Variants in SPEG observed in about 807,000 individuals in gnomAD.
SPEG encodes striated muscle enriched protein kinase.
A neutral mutation model predicts 300.4 loss-of-function variants in SPEG; 114 were observed. The ratio of observed to expected loss-of-function variants is 0.38; its 90% CI spans 0.33 to 0.44. The LOEUF is 0.44. SPEG is among the 20% of genes least tolerant of loss of function. The probability of loss-of-function intolerance (pLI) is 1.00; values close to 1 mark genes in which losing one functional copy is unlikely to be tolerated. For missense variants in SPEG, 4,201 were observed against 4,586.2 expected (o/e 0.92, Z 2.43); for synonymous variants, 1,964 against 2,018.9 (o/e 0.97, Z 0.73).
intron 6 of SPEG, among the ~76,000 whole-genome samples, chr2:219,454,122 C>T (rs951438730): frequency 1.3e-5 from 2 of 152,202 alleles, no homozygotes; most frequent in Non-Finnish European, 2.9e-5. Flanking sequence ...GGGCTGGCTG[C>T]CCAGTTCCCT....
At position 219,481,057 on chromosome 2, in the gene SPEG, G is replaced by A. The variant is rs1692795703; in HGVS notation, c.5370-247G>A. Among the ~76,000 whole-genome samples, 1 of 152,170 alleles carries A rather than the reference G, an allele frequency of 6.6e-6. No individual in the cohort carries two copies. Among genetic ancestry groups the A allele is most frequent in the Middle Eastern group, 3.2e-3 (1 of 316 alleles). On this transcript the variant is annotated intron_variant, in intron 26 of 40. Coordinates refer to ENST00000312358, the MANE Select transcript of SPEG (RefSeq NM_005876.5). The surrounding 1 kb of genome is among the most constrained non-coding windows in gnomAD (Gnocchi z 5.4). The stretch of plus-strand genomic sequence containing the variant: ...TCATGGAGAGGCCACACTGGAGGAG[G>A]GATGGAACAGGTCCTCTAAAGCACA...
chr2:219,442,747 C>T (rs1364359957), intron 1 of SPEG, among the ~76,000 whole-genome samples: 1 of 151,600 alleles, frequency 6.6e-6, no homozygotes, highest in Non-Finnish European at 1.5e-5. Context: ...CTCACTGAGC[C>T]TGACTACCTC....
chr2:219,463,637 C>T (rs1303511261), intron 8 of SPEG, among the ~76,000 whole-genome samples: 6 of 150,882 alleles, frequency 4.0e-5, no homozygotes, highest in Admixed American at 6.6e-5. Context: ...AACTCCTGAC[C>T]TCAGGTGATC....
At chr2:219,482,683 C>G in intron 28 of SPEG, 101 bp from the exon 29 acceptor site, 2 of 1,029,294 alleles carry the variant, frequency 1.9e-6, no homozygotes, top group South Asian at 2.8e-5. Context: ...TCGATCCACT[C>G]TCTCCTGCCA....
At chr2:219,489,973 G>A (rs537639683) in intron 36 of SPEG, 34 bp downstream of exon 36, 153 of 1,528,978 alleles carry the variant, frequency 1.0e-4, no homozygotes, top group Non-Finnish European at 3.6e-5. Context: ...GAGGACAGAG[G>A]GGAGTGGGCC....
chr2:219,480,568 C>G lies in SPEG; in HGVS notation c.5343-103C>G. 1.7e-6 allele frequency: 2 copies of G among 1,201,060 alleles called. No individual in the cohort carries two copies. The highest frequency in any genetic ancestry group is 1.7e-5 in the Admixed American group (1 of 58,952). The allele number at this position is 1,201,060 out of a possible 1,614,324, so 74.4% of individuals were successfully genotyped here. A position where few individuals can be genotyped will look rare whatever the true frequency, so the allele number is the denominator to read the frequency against. On this transcript the variant is annotated intron_variant, in intron 25 of 40. Transcript: ENST00000312358. This position sits in a 1 kb window ranked among gnomAD's most constrained non-coding sequence, Gnocchi z 5.3. Reference sequence around the variant, plus strand: ...TGTGCCCATTGTCCATGGCAGTGTTCCCAGGGAGGTAACAGCTCACTCAGG... The same window carrying G: ...TGTGCCCATTGTCCATGGCAGTGTTGCCAGGGAGGTAACAGCTCACTCAGG...
chr2:219,493,043 A>AG lies in SPEG; in HGVS notation c.*261dup. 1.4e-6 allele frequency: 1 copy of AG among 691,002 alleles called. No homozygotes were observed. The highest frequency in any genetic ancestry group is 2.6e-6 in the Non-Finnish European group (1 of 377,850). 42.8% of individuals were successfully genotyped at this position (691,002 alleles called of 1,614,324 possible). On this transcript the variant is annotated 3_prime_UTR_variant, in exon 41 of 41. Coordinates refer to ENST00000312358, the MANE Select transcript of SPEG (RefSeq NM_005876.5). ...GGGTGGGAACAGGCAGAGGGACAAGAGGGGAATGGAGAAGTGGAGAGGAAA... is the reference window on the plus strand; with the variant it reads ...GGGTGGGAACAGGCAGAGGGACAAGAGGGGGAATGGAGAAGTGGAGAGGAAA...
chr2:219,479,756 C>T lies in SPEG; in HGVS notation c.5086-27C>T, dbSNP rs1251973959. On this transcript the variant is annotated intron_variant, in intron 23 of 40. Transcript: ENST00000312358. The surrounding 1 kb of genome is among the most constrained non-coding windows in gnomAD (Gnocchi z 5.5). ...TCAGACATACACCACCCTTCCCCCTCAGACTCTGGGCCCACTATTTCCACA... is the reference window on the plus strand; with the variant it reads ...TCAGACATACACCACCCTTCCCCCTTAGACTCTGGGCCCACTATTTCCACA... The T allele has an allele frequency of 2.5e-6, 4 of 1,611,334 alleles. No homozygotes were observed. The highest frequency in any genetic ancestry group is 2.5e-6 in the Non-Finnish European group (3 of 1,177,944).
intron 8 of SPEG, among the ~76,000 whole-genome samples, chr2:219,463,074 G>T (rs1272335280): frequency 6.6e-6 from 1 of 152,038 alleles, no homozygotes; most frequent in Non-Finnish European, 1.5e-5. Context: ...GCTGGACGTG[G>T]TAGTACATGC....
At position 219,489,131 on chromosome 2, in the gene SPEG, A is replaced by T. The variant is rs779403233; in HGVS notation, c.8227A>T (p.Thr2743Ser). Residue 2743 changes from threonine to serine, a missense_variant, in exon 35 of 41, where the codon ACT becomes TCT. Coordinates refer to ENST00000312358, the MANE Select transcript of SPEG (RefSeq NM_005876.5). ...CGTGACCCACCTGCCAGTTGGCGTG[A>T]CTGTGAGGTTCCGTGTGGCCTGTGC... ...YNVTHLPVGV[T>S]VRFRVACANR... is the part of the protein sequence containing the mutation. 2 of 1,613,898 alleles carry T rather than the reference A, an allele frequency of 1.2e-6. No individual in the cohort carries two copies. Among genetic ancestry groups the T allele is most frequent in the South Asian group, 2.2e-5 (2 of 91,082 alleles).
rs1689137770 is a variant in SPEG, at chr2:219,444,456, C to A, written c.389-197C>A. On this transcript the variant is annotated intron_variant, in intron 1 of 40. Transcript: ENST00000312358. This position sits in a 1 kb window ranked among gnomAD's most constrained non-coding sequence, Gnocchi z 7.8. ...GTAACCAGGGGCCCAGAGATGGAGC[C>A]AGGGCACTGGCATGGGAGGGGTTAT... Among the ~76,000 whole-genome samples, 1 of 152,006 alleles carries A rather than the reference C, an allele frequency of 6.6e-6. No homozygotes were observed. Among genetic ancestry groups the A allele is most frequent in the Non-Finnish European group, 1.5e-5 (1 of 68,002 alleles).
intron 22 of SPEG, 32 bp downstream of exon 22, chr2:219,478,137 T>C: frequency 6.3e-7 from 1 of 1,580,290 alleles, no homozygotes; most frequent in Non-Finnish European, 8.7e-7. Context: ...GCTAGGGGGA[T>C]CCATGCCTAA....
intron 13 of SPEG, among the ~76,000 whole-genome samples, chr2:219,470,365 C>T (rs962786748): frequency 2.5e-4 from 38 of 152,180 alleles, no homozygotes; most frequent in Admixed American, 1.3e-4. Context: ...CCCGCCTGCC[C>T]ATCTCCAGTG....
intron 8 of SPEG, among the ~76,000 whole-genome samples, chr2:219,462,644 C>T (rs140338337): frequency 1.3e-5 from 2 of 152,338 alleles, no homozygotes; most frequent in Non-Finnish European, 2.9e-5. Context: ...TGACTGGGTG[C>T]GGTGGCTCAC....
Position 219,449,125 on chromosome 2 carries a change from C to T in SPEG, c.1967C>T (p.Thr656Ile). The change falls in exon 4 of 41, where the codon ACC becomes ATC. Residue 656 changes from threonine (T) to isoleucine (I), a missense_variant. By Grantham distance (89) the Thr-to-Ile change is moderately conservative. This residue lies in a region of SPEG where 1,258 missense variants were observed against 1,293.9 expected (regional missense o/e 0.97). Coordinates refer to ENST00000312358, the MANE Select transcript of SPEG (RefSeq NM_005876.5). ...PGLEGAAVPQTLEKNRAGPEA... is the reference protein window; with the variant it reads ...PGLEGAAVPQILEKNRAGPEA... ...CTGGAGGGCGCTGCTGTACCCCAGACCTTGGAGAAGAACAGGGCGGGGCCT... is the reference window on the plus strand; with the variant it reads ...CTGGAGGGCGCTGCTGTACCCCAGATCTTGGAGAAGAACAGGGCGGGGCCT... The T allele has an allele frequency of 2.7e-6, 4 of 1,456,364 alleles. No individual in the cohort carries two copies. In the South Asian group the frequency reaches 4.3e-5, roughly 15 times the overall value. The allele number at this position is 1,456,364 out of a possible 1,614,324, so 90.2% of individuals were successfully genotyped here.
chr2:219,445,146 C>G lies in SPEG; in HGVS notation c.800C>G (p.Ala267Gly). 1.3e-6 allele frequency: 2 copies of G among 1,576,340 alleles called. No homozygotes were observed. Among genetic ancestry groups the G allele is most frequent in the Non-Finnish European group, 1.7e-6 (2 of 1,161,890 alleles). The change falls in exon 3 of 41, where the codon GCG (alanine) becomes GGG (glycine). Residue 267 changes from alanine to glycine, a missense_variant. Physicochemically the swap from Ala to Gly is moderately conservative, Grantham distance 60. Around this residue, in one of 4 missense-constraint regions of SPEG, gnomAD observed 1,258 missense variants for 1,293.9 expected, o/e 0.97. Coordinates refer to ENST00000312358, the MANE Select transcript of SPEG (RefSeq NM_005876.5). The surrounding 1 kb of genome is among the most constrained non-coding windows in gnomAD (Gnocchi z 6.1). Reference sequence around the variant, plus strand: ...GCATTCAGCCTGTACAGAGGACGGGCGCTCTCTATCCACGTGTAAGTAACG... The same window carrying G: ...GCATTCAGCCTGTACAGAGGACGGGGGCTCTCTATCCACGTGTAAGTAACG... The part of the protein sequence containing the change: ...GSAFSLYRGR[A>G]LSIHVSVPQS...
At chr2:219,461,712 C>T (rs1427169841) in intron 6 of SPEG, 170 bp from the exon 7 acceptor site, 21 of 834,830 alleles carry the variant, frequency 2.5e-5, no homozygotes, top group Non-Finnish European at 3.9e-5. Flanking sequence ...TCCAGGGGCT[C>T]AGGGAGGGGA....
In SPEG at chr2:219,443,084, C is replaced by T. The variant is rs1689044579; in HGVS notation, c.389-1569C>T. 1 of 1,609,738 alleles carries T rather than the reference C, an allele frequency of 6.2e-7. No homozygotes were observed. Among genetic ancestry groups the T allele is most frequent in the Non-Finnish European group, 8.5e-7 (1 of 1,178,028 alleles). The stretch of plus-strand genomic sequence containing the variant: ...TAGGAACAAGCCTCCCCCTCAACTA[C>T]TCATTCTGGCTTTTCTCTTTCAGAA... On this transcript the variant is annotated intron_variant, in intron 1 of 40. Transcript: ENST00000312358. This position sits in a 1 kb window ranked among gnomAD's most constrained non-coding sequence, Gnocchi z 4.6.
rs1214168122 is a variant in SPEG, at chr2:219,458,668, G to A, written c.2441-3214G>A. Among the ~76,000 whole-genome samples, 2 of 152,204 alleles carry A rather than the reference G, an allele frequency of 1.3e-5. No homozygotes were observed. The highest frequency in any genetic ancestry group is 3.9e-4 in the East Asian group (2 of 5,194). ...AGGTTCAAAGCTCTGCTCTGAGGTT[G>A]AATGGCCCAGTGAAGGGGGCTTAGT... is the stretch of plus-strand genomic sequence containing the variant. On this transcript the variant is annotated intron_variant, in intron 6 of 40. Transcript: ENST00000312358. The surrounding 1 kb of genome is among the most constrained non-coding windows in gnomAD (Gnocchi z 4.2).
Sources: allele counts gnomAD v4.1 joint callset (sites outside exome capture counted in the v4.1 genomes callset), GRCh38; gene constraint gnomAD v4.1.1; regional missense constraint gnomAD v4.1.1; non-coding constraint Gnocchi (gnomAD v3.1); transcripts MANE v1.5; gene names NCBI Gene and HGNC (gene_info 2026-07-23, HGNC 2026-07-21).